The following SLC6A20 variants were observed in gnomAD, a reference collection of about 807,000 sequenced individuals.
The protein encoded by SLC6A20 is sodium- and chloride-dependent transporter XTRP3.
Under a neutral mutation model 64.3 loss-of-function variants are expected in SLC6A20, and 73 were observed. The observed-to-expected ratio is 1.14, with a 90% confidence interval of 0.94 to 1.38. SLC6A20 has a LOEUF of 1.38. Among genes scored for constraint, SLC6A20 ranks in the 40% most tolerant of loss-of-function variants. The pLI, the probability that SLC6A20 is intolerant of heterozygous loss-of-function variation, is 0.00. For synonymous variants in SLC6A20, 347 were observed against 329.6 expected (o/e 1.05, Z -0.57); for missense variants, 725 against 772.8 (o/e 0.94, Z 0.73).
intron 3 of SLC6A20, 147 bp downstream of exon 3, chr3:45,779,862 G>T: frequency 1.2e-6 from 1 of 817,412 alleles, no homozygotes; most frequent in Admixed American, 2.5e-5. Flanking sequence ...TGGGGTGCAT[G>T]GCTTCCCCTC....
At chr3:45,780,633 C>T (rs1170725485) in intron 2 of SLC6A20, among the ~76,000 whole-genome samples, 2 of 152,114 alleles carry the variant, frequency 1.3e-5, no homozygotes, top group Non-Finnish European at 2.9e-5. Flanking sequence ...GGGGAGGGGG[C>T]TGCCCGTAAT....
At position 45,756,020 on chromosome 3, in the gene SLC6A20, C is replaced by A. The variant is rs1157364270; in HGVS notation, c.*2958G>T. Reference sequence around the variant, plus strand: ...GGGCCTCTCAGATTTGGCTGCACATCGGATCACCTAGGGAGTTTTTGGGGC... The same window carrying A: ...GGGCCTCTCAGATTTGGCTGCACATAGGATCACCTAGGGAGTTTTTGGGGC... On this transcript the variant is annotated 3_prime_UTR_variant, in exon 11 of 11. Transcript: ENST00000358525. 2.0e-5 allele frequency: 3 copies of A among 152,172 alleles called. No individual in the cohort carries two copies. The highest frequency in any genetic ancestry group is 7.2e-5 in the African/African-American group (3 of 41,420). 9.4% of individuals were successfully genotyped at this position (152,172 alleles called of 1,614,324 possible).
At chr3:45,783,395 G>A (rs539944378) in intron 1 of SLC6A20, among the ~76,000 whole-genome samples, 2 of 152,322 alleles carry the variant, frequency 1.3e-5, no homozygotes, top group East Asian at 1.9e-4. Context: ...TACCAAAAAT[G>A]TCTCCATTGT....
chr3:45,770,141 G>A (rs1699835362), intron 7 of SLC6A20, 68 bp downstream of exon 7: 3 of 1,589,726 alleles, frequency 1.9e-6, no homozygotes, highest in Non-Finnish European at 2.6e-6. Flanking sequence ...TCCCAAGTCA[G>A]CAGCTCACCA....
At chr3:45,775,317 G>A (rs547640802) in intron 4 of SLC6A20, among the ~76,000 whole-genome samples, 1 of 152,240 alleles carries the variant, frequency 6.6e-6, no homozygotes, top group African/African-American at 2.4e-5. Flanking sequence ...ACTGGTTACT[G>A]CAGAATTTTG....
At chr3:45,789,455 G>C (rs1380018142) in intron 1 of SLC6A20, among the ~76,000 whole-genome samples, 1 of 152,140 alleles carries the variant, frequency 6.6e-6, no homozygotes, top group Admixed American at 6.5e-5. Context: ...GATTATAACA[G>C]CATAAAACTT....
chr3:45,759,302 A>G (rs1242870795), intron 10 of SLC6A20, among the ~76,000 whole-genome samples, 175 bp from the exon 11 acceptor site: 2 of 152,222 alleles, frequency 1.3e-5, no homozygotes, highest in Admixed American at 1.3e-4. Flanking sequence ...CCAGGAGCCT[A>G]ACTGCCCTCA....
intron 9 of SLC6A20, 118 bp downstream of exon 9, chr3:45,762,795 G>A: frequency 7.5e-7 from 1 of 1,341,784 alleles, no homozygotes; most frequent in South Asian, 1.3e-5. Flanking sequence ...GTTGAGTCAT[G>A]ATGCGAAGCT....
intron 2 of SLC6A20, among the ~76,000 whole-genome samples, chr3:45,781,681 C>G (rs774239564): frequency 3.9e-5 from 6 of 152,244 alleles, no homozygotes; most frequent in Non-Finnish European, 5.9e-5. Context: ...ATCCTATAGG[C>G]TGGCTCCCAG....
chr3:45,786,066 A>G (rs1466041802), intron 1 of SLC6A20, among the ~76,000 whole-genome samples: 1 of 152,210 alleles, frequency 6.6e-6, no homozygotes, highest in Non-Finnish European at 1.5e-5. Context: ...GTAAAGGAAC[A>G]GCTCAGGCAC....
At position 45,769,354 on chromosome 3, in the gene SLC6A20, T is replaced by C. The variant is rs558719011; in HGVS notation, c.1098+855A>G. On this transcript the variant is annotated intron_variant, in intron 7 of 10. Coordinates refer to ENST00000358525, the MANE Select transcript of SLC6A20 (RefSeq NM_020208.4). ...AGTCTAGTAAAAATTCCCTAGATTTTTTTTTTCCAATGAAACTTATCAAAC... is the reference window on the plus strand; with the variant it reads ...AGTCTAGTAAAAATTCCCTAGATTTCTTTTTTCCAATGAAACTTATCAAAC... 5.3e-5 allele frequency among the ~76,000 whole-genome samples: 8 copies of C among 152,248 alleles called. No homozygotes were observed. In the South Asian group the frequency reaches 1.2e-3, roughly 24 times the overall value.
intron 1 of SLC6A20, among the ~76,000 whole-genome samples, chr3:45,793,894 A>C (rs1239700278): frequency 6.6e-6 from 1 of 152,160 alleles, no homozygotes. Flanking sequence ...GTGCAGTGAA[A>C]GGCTTGGGAA....
chr3:45,756,376 T>C lies in SLC6A20; in HGVS notation c.*2602A>G, dbSNP rs1159834686. 2 of 152,120 alleles carry C rather than the reference T, an allele frequency of 1.3e-5. No individual in the cohort carries two copies. Among genetic ancestry groups the C allele is most frequent in the African/African-American group, 2.4e-5 (1 of 41,386 alleles). The allele number at this position is 152,120 out of a possible 1,614,324, so 9.4% of individuals were successfully genotyped here. A position where few individuals can be genotyped will look rare whatever the true frequency, so the allele number is the denominator to read the frequency against. On this transcript the variant is annotated 3_prime_UTR_variant, in exon 11 of 11. Coordinates refer to ENST00000358525, the MANE Select transcript of SLC6A20 (RefSeq NM_020208.4). ...TTGAGTGTGCCGGCTCTTCAAGCCT[T>C]GACAGCAGGTTTTTTGACATAAAAG...
intron 4 of SLC6A20, 32 bp from the exon 5 acceptor site, chr3:45,772,647 C>A: frequency 6.4e-7 from 1 of 1,571,218 alleles, no homozygotes; most frequent in Non-Finnish European, 8.7e-7. Context: ...GTTGGCCTCC[C>A]GGAGCAGTGG....
At chr3:45,759,793 G>T in intron 10 of SLC6A20, 64 bp downstream of exon 10, 1 of 1,528,208 alleles carries the variant, frequency 6.5e-7, no homozygotes, top group Non-Finnish European at 8.8e-7. Context: ...TTCGGAAAAT[G>T]AATGGCCCAT....
At position 45,758,660 on chromosome 3, in the gene SLC6A20, A is replaced by C; in HGVS notation, c.*318T>G. On this transcript the variant is annotated 3_prime_UTR_variant, in exon 11 of 11. Coordinates refer to ENST00000358525, the MANE Select transcript of SLC6A20 (RefSeq NM_020208.4). ...GCTTAAATTTGGTCCCATAAGAATT[A>C]TAGTCATATTTCAGTTTGCAATGTG... The C allele has an allele frequency of 8.7e-7, 1 of 1,154,130 alleles. No individual in the cohort carries two copies. Among genetic ancestry groups the C allele is most frequent in the Non-Finnish European group, 1.1e-6 (1 of 933,712 alleles). 71.5% of individuals were successfully genotyped at this position (1,154,130 alleles called of 1,614,324 possible).
At chr3:45,762,178 G>A (rs1270489385) in intron 9 of SLC6A20, among the ~76,000 whole-genome samples, 5 of 152,196 alleles carry the variant, frequency 3.3e-5, no homozygotes, top group South Asian at 2.1e-4. Context: ...CCCAACGAGC[G>A]CCTTGTTGCT....
intron 3 of SLC6A20, among the ~76,000 whole-genome samples, chr3:45,776,712 C>T (rs1011347973): frequency 8.5e-5 from 13 of 152,166 alleles, no homozygotes; most frequent in Admixed American, 3.3e-4. Context: ...CTGAGACTTA[C>T]GCATCTCAGG....
At chr3:45,760,101 CACAAAGGAACATTCTGTTCT>C (rs1431903974) in intron 9 of SLC6A20, 79 bp from the exon 10 acceptor site, 29 of 1,458,354 alleles carry the variant, frequency 2.0e-5, no homozygotes, top group Admixed American at 1.0e-4. Context: ...TGTCCCTATT[CACAAAGGAACATTCTGTTCT>C]AGGTGGTAAA....
Sources: gnomAD v4.1 joint callset for allele counts (sites outside exome capture counted in the v4.1 genomes callset) on GRCh38, gnomAD v4.1.1 for gene constraint, MANE v1.5 for transcripts, NCBI Gene and HGNC (gene_info 2026-07-23, HGNC 2026-07-21) for gene names.